Variants in ARHGEF4 observed in about 807,000 individuals in gnomAD.
The protein encoded by ARHGEF4 is APC-stimulated guanine nucleotide exchange factor 1.
ARHGEF4 carries 119 observed loss-of-function variants against 162.0 expected under a neutral mutation model. That is an observed-to-expected ratio of 0.73 (90% CI 0.63 to 0.86). The LOEUF is 0.86. Among genes scored for constraint, ARHGEF4 ranks in the 40% least tolerant of loss-of-function variants. ARHGEF4 has a pLI of 0.00. For missense variants in ARHGEF4, 2,488 were observed against 2,456.0 expected (o/e 1.01, Z -0.28); for synonymous variants, 1,014 against 979.9 (o/e 1.03, Z -0.65).
chr2:130,880,144 T>A (rs902387714), intron 1 of ARHGEF4, among the ~76,000 whole-genome samples: 1 of 152,156 alleles, frequency 6.6e-6, no homozygotes, highest in Non-Finnish European at 1.5e-5. Context: ...GACTTACTGA[T>A]TTGCCCAGGG....
At chr2:130,994,748 T>C (rs1687270229) in intron 4 of ARHGEF4, among the ~76,000 whole-genome samples, 1 of 152,246 alleles carries the variant, frequency 6.6e-6, no homozygotes, top group African/African-American at 2.4e-5. Flanking sequence ...GTTTTCCTTC[T>C]GGAGATGGAT....
At chr2:131,000,030 A>G (rs926117573) in intron 4 of ARHGEF4, among the ~76,000 whole-genome samples, 1 of 152,244 alleles carries the variant, frequency 6.6e-6, no homozygotes, top group Non-Finnish European at 1.5e-5. Context: ...TTTTAAGATC[A>G]TATTTATTCT....
At chr2:130,925,035 AGTGTGTGTGTGTGT>A (rs55986926) in intron 2 of ARHGEF4, among the ~76,000 whole-genome samples, 22,796 of 137,944 alleles carry the variant, frequency 0.17, 1,827 homozygotes, top group South Asian at 0.29. Flanking sequence ...AGGAGTTCTA[AGTGTGTGTGTGTGT>A]GTGTGTGTGT....
rs1691174712 is a variant in ARHGEF4, at chr2:131,045,537, AG to A, written c.5479+92del. ...TCTGAACCACAAAGCCAAGCCAGCT[AG>A]CCACCAGGCCTGAGGGGGGCCCACT... On this transcript the variant is annotated intron_variant, in intron 13 of 13. Transcript: ENST00000409359. The A allele has an allele frequency of 2.5e-6, 4 of 1,612,608 alleles. No homozygotes were observed. The East Asian group carries it at 8.9e-5, about 36-fold the overall frequency.
At chr2:130,940,699 C>T (rs1189924086) in intron 3 of ARHGEF4, among the ~76,000 whole-genome samples, 2 of 148,980 alleles carry the variant, frequency 1.3e-5, no homozygotes, top group Non-Finnish European at 3.0e-5. Flanking sequence ...GGCGTGGTGG[C>T]GGGCGCCTGT....
At chr2:130,848,038 A>G (rs1681121040) in intron 1 of ARHGEF4, among the ~76,000 whole-genome samples, 1 of 152,176 alleles carries the variant, frequency 6.6e-6, no homozygotes, top group Admixed American at 6.5e-5. Flanking sequence ...GGGCTCTTCC[A>G]GAGGAGAGGA....
chr2:130,883,929 G>T (rs1679350815), intron 1 of ARHGEF4, among the ~76,000 whole-genome samples: 1 of 151,994 alleles, frequency 6.6e-6, no homozygotes, highest in Non-Finnish European at 1.5e-5. Context: ...ATCTTTTCAG[G>T]GTACTTGAGC....
At chr2:130,999,255 G>C (rs1007705694) in intron 4 of ARHGEF4, among the ~76,000 whole-genome samples, 2 of 149,424 alleles carry the variant, frequency 1.3e-5, no homozygotes, top group African/African-American at 2.5e-5. Flanking sequence ...CTGGGTTCAC[G>C]CCCATTCTCC....
At chr2:130,900,013 C>T (rs148195613) in intron 1 of ARHGEF4, among the ~76,000 whole-genome samples, 1 of 151,994 alleles carries the variant, frequency 6.6e-6, no homozygotes, top group East Asian at 1.9e-4. Flanking sequence ...ATTTAATTTC[C>T]AACTGTTAGA....
At chr2:130,999,404 CCT>C (rs1338431618) in intron 4 of ARHGEF4, among the ~76,000 whole-genome samples, 1 of 152,082 alleles carries the variant, frequency 6.6e-6, no homozygotes, top group Admixed American at 6.5e-5. Context: ...GATCCGCCCG[CCT>C]TGGCCTCCCA....
At position 130,938,111 on chromosome 2, in the gene ARHGEF4, A is replaced by G. The variant is rs1376870003; in HGVS notation, c.3858+6854A>G. On this transcript the variant is annotated intron_variant, in intron 3 of 13. Transcript: ENST00000409359. The stretch of plus-strand genomic sequence containing the variant: ...ATCATTCACCTATTCGAAGACATCT[A>G]GATTGTTTCCAGGTTTGGGCTATTA... Among the ~76,000 whole-genome samples, 9 of 152,302 alleles carry G rather than the reference A, an allele frequency of 5.9e-5. No individual in the cohort carries two copies. The East Asian group carries it at 1.7e-3, about 29-fold the overall frequency.
intron 4 of ARHGEF4, among the ~76,000 whole-genome samples, chr2:131,016,396 C>T (rs764148909): frequency 1.3e-4 from 20 of 152,206 alleles, no homozygotes; most frequent in Non-Finnish European, 2.4e-4. Flanking sequence ...TGAACCAATG[C>T]GCAGACGTGA....
At chr2:130,892,356 C>A (rs1297013172) in intron 1 of ARHGEF4, among the ~76,000 whole-genome samples, 4 of 152,196 alleles carry the variant, frequency 2.6e-5, no homozygotes, top group Admixed American at 2.6e-4. Flanking sequence ...TCTGACCCAA[C>A]CTACCTGTAG....
At chr2:131,044,089 G>A (rs1691040895) in intron 11 of ARHGEF4, among the ~76,000 whole-genome samples, 1 of 152,186 alleles carries the variant, frequency 6.6e-6, no homozygotes, top group Admixed American at 6.5e-5. Context: ...GTCAGTACCT[G>A]CAAAATAAAG....
chr2:130,922,841 T>A (rs1681968360), intron 2 of ARHGEF4, among the ~76,000 whole-genome samples: 1 of 151,946 alleles, frequency 6.6e-6, no homozygotes, highest in African/African-American at 2.4e-5. Context: ...TTTCTCTTAC[T>A]GATTCTTGAT....
At chr2:130,973,057 G>A (rs1052923884) in intron 4 of ARHGEF4, among the ~76,000 whole-genome samples, 1 of 152,246 alleles carries the variant, frequency 6.6e-6, no homozygotes, top group African/African-American at 2.4e-5. Flanking sequence ...AAGAGATTCA[G>A]TAAGTCTAGA....
intron 5 of ARHGEF4, among the ~76,000 whole-genome samples, chr2:131,030,936 G>A (rs1689810504): frequency 6.6e-6 from 1 of 152,260 alleles, no homozygotes; most frequent in African/African-American, 2.4e-5. Flanking sequence ...GGCCTTCAGG[G>A]CAGCACTCCC....
chr2:130,973,024 A>C (rs1421995277), intron 4 of ARHGEF4, among the ~76,000 whole-genome samples: 4 of 152,258 alleles, frequency 2.6e-5, no homozygotes, highest in Non-Finnish European at 5.9e-5. Context: ...GAATATACAA[A>C]GATTATACCA....
chr2:131,009,726 C>T (rs1573601362), intron 4 of ARHGEF4, among the ~76,000 whole-genome samples: 1 of 152,128 alleles, frequency 6.6e-6, no homozygotes, highest in African/African-American at 2.4e-5. Context: ...TTTGCCATTT[C>T]CTATTTCTTC....
Sources: gnomAD v4.1 joint callset for allele counts (sites outside exome capture counted in the v4.1 genomes callset) on GRCh38, gnomAD v4.1.1 for gene constraint, MANE v1.5 for transcripts, NCBI Gene and HGNC (gene_info 2026-07-23, HGNC 2026-07-21) for gene names.